Variants in GNA14 observed in about 807,000 individuals in gnomAD.
GNA14 encodes G protein subunit alpha 14.
In GNA14, 50 loss-of-function variants were observed where a neutral mutation model predicts 42.0. The observed-to-expected ratio is 1.19, with a 90% CI of 0.95 to 1.51. GNA14 has a LOEUF of 1.51. Ranked by LOEUF, GNA14 falls within the 40% of genes most tolerant of loss-of-function variation. The pLI is 0.00. For missense variants in GNA14, 473 were observed against 446.2 expected (o/e 1.06, Z -0.54); for synonymous variants, 173 against 163.1 (o/e 1.06, Z -0.46).
intron 2 of GNA14, among the ~76,000 whole-genome samples, chr9:77,481,012 T>C (rs1180197947): frequency 6.6e-6 from 1 of 152,120 alleles, no homozygotes; most frequent in African/African-American, 2.4e-5. Context: ...CCTGGATTCA[T>C]TAATTTTTTG....
chr9:77,459,912 C>T (rs1171488900), intron 2 of GNA14, among the ~76,000 whole-genome samples: 3 of 152,104 alleles, frequency 2.0e-5, no homozygotes, highest in Non-Finnish European at 2.9e-5. Context: ...CCACTGTGGC[C>T]GGGCAGAGGA....
At chr9:77,548,937 TTTTTTTTTTC>T (rs1301873040) in intron 1 of GNA14, among the ~76,000 whole-genome samples, 1 of 148,422 alleles carries the variant, frequency 6.7e-6, no homozygotes, top group Non-Finnish European at 1.5e-5. Flanking sequence ...AAGCCTTTCT[TTTTTTTTTTC>T]TTTTTTTTTC....
intron 2 of GNA14, among the ~76,000 whole-genome samples, chr9:77,487,142 G>C (rs539340840): frequency 1.3e-5 from 2 of 152,128 alleles, no homozygotes; most frequent in African/African-American, 2.4e-5. Context: ...AGTAGGCAGA[G>C]AGCATATACA....
chr9:77,453,135 G>C (rs1835944922), intron 2 of GNA14, among the ~76,000 whole-genome samples: 1 of 152,040 alleles, frequency 6.6e-6, no homozygotes, highest in Non-Finnish European at 1.5e-5. Flanking sequence ...GCAAGACCCT[G>C]TTCCTGAAAA....
In GNA14 at chr9:77,514,508, G is replaced by A. The variant is rs144742454; in HGVS notation, c.309+14561C>T. 9.0e-3 allele frequency among the ~76,000 whole-genome samples: 1,370 copies of A among 152,138 alleles called. 23 individuals carry two copies. The highest frequency in any genetic ancestry group is 0.031 in the African/African-American group (1,304 of 41,498). On this transcript the variant is annotated intron_variant, in intron 2 of 6. Transcript: ENST00000341700. The stretch of plus-strand genomic sequence containing the variant: ...TAAATTAAGAATTATAATGTAATAC[G>A]AAGGATACTGGGCATTACAGGTACA...
chr9:77,644,080 A>T (rs1327017248), intron 1 of GNA14, among the ~76,000 whole-genome samples: 1 of 152,164 alleles, frequency 6.6e-6, no homozygotes, highest in Non-Finnish European at 1.5e-5. Context: ...AGTACCTCAG[A>T]ATGTAACTGT....
In GNA14 at chr9:77,631,852, G is replaced by A. The variant is rs560489062; in HGVS notation, c.124+15818C>T. On this transcript the variant is annotated intron_variant, in intron 1 of 6. Coordinates refer to ENST00000341700, the MANE Select transcript of GNA14 (RefSeq NM_004297.4). Reference sequence around the variant, plus strand: ...ATCATGCCGGCTGCAGCAGGAAAGCGTGGCTGGGGCTGCATGTTCCATGGA... The same window carrying A: ...ATCATGCCGGCTGCAGCAGGAAAGCATGGCTGGGGCTGCATGTTCCATGGA... Among the ~76,000 whole-genome samples, 522 of 152,296 alleles carry A rather than the reference G, an allele frequency of 3.4e-3. 7 individuals are homozygous for A. Among genetic ancestry groups the A allele is most frequent in the African/African-American group, 0.012 (508 of 41,556 alleles).
intron 2 of GNA14, among the ~76,000 whole-genome samples, chr9:77,490,882 C>G (rs529876146): frequency 6.6e-6 from 1 of 152,354 alleles, no homozygotes; most frequent in African/African-American, 2.4e-5. Flanking sequence ...AGTGGTAGCC[C>G]AGGCAGAGGA....
At chr9:77,498,139 CA>C (rs1238091591) in intron 2 of GNA14, among the ~76,000 whole-genome samples, 11 of 152,034 alleles carry the variant, frequency 7.2e-5, no homozygotes, top group African/African-American at 2.4e-4. Context: ...TTTGGGAAGC[CA>C]AGGTGGGTGG....
chr9:77,529,711 G>C, intron 1 of GNA14, among the ~76,000 whole-genome samples: 1 of 152,122 alleles, frequency 6.6e-6, no homozygotes, highest in East Asian at 1.9e-4. Flanking sequence ...ATTTCCCAGA[G>C]GTGCCAAATG....
intron 2 of GNA14, among the ~76,000 whole-genome samples, chr9:77,455,135 G>A (rs539800880): frequency 6.6e-6 from 1 of 152,264 alleles, no homozygotes; most frequent in Admixed American, 6.5e-5. Flanking sequence ...AGCTCATTCA[G>A]GCTGATGGCA....
At chr9:77,431,024 T>TTGTGTGTG (rs10631280) in intron 4 of GNA14, among the ~76,000 whole-genome samples, 2,612 of 101,460 alleles carry the variant, frequency 0.026, 60 homozygotes, top group East Asian at 0.15. Context: ...AAGTATACAT[T>TTGTGTGTG]TGTGTGTGTG....
At chr9:77,486,666 T>C (rs1376961968) in intron 2 of GNA14, among the ~76,000 whole-genome samples, 2 of 152,162 alleles carry the variant, frequency 1.3e-5, no homozygotes, top group Non-Finnish European at 2.9e-5. Context: ...CATTGTAGGA[T>C]TATTAATTGG....
At chr9:77,518,965 G>C (rs1837306338) in intron 2 of GNA14, among the ~76,000 whole-genome samples, 1 of 152,144 alleles carries the variant, frequency 6.6e-6, no homozygotes, top group South Asian at 2.1e-4. Flanking sequence ...CAGGGTTTTG[G>C]TGTCAGAAAT....
intron 1 of GNA14, among the ~76,000 whole-genome samples, chr9:77,536,533 T>C (rs1186832739): frequency 6.6e-6 from 1 of 152,180 alleles, no homozygotes; most frequent in Non-Finnish European, 1.5e-5. Context: ...GTATTTTTAG[T>C]AGAGACGGGG....
At chr9:77,476,798 G>C (rs149813892) in intron 2 of GNA14, among the ~76,000 whole-genome samples, 153 of 152,318 alleles carry the variant, frequency 1.0e-3, no homozygotes, top group African/African-American at 3.4e-3. Flanking sequence ...CTGAAACCTT[G>C]TATCTCTTGG....
intron 1 of GNA14, among the ~76,000 whole-genome samples, chr9:77,597,195 TACAGCTATTGGCAGC>T (rs1823479957): frequency 6.6e-6 from 1 of 152,216 alleles, no homozygotes; most frequent in South Asian, 2.1e-4. Context: ...TGAACAATGT[TACAGCTATTGGCAGC>T]ACTCCCAACA....
chr9:77,504,903 T>C (rs902324593), intron 2 of GNA14, among the ~76,000 whole-genome samples: 13 of 152,020 alleles, frequency 8.6e-5, no homozygotes, highest in East Asian at 1.9e-4. Flanking sequence ...CCTGACCTCA[T>C]GATCCACCCG....
Position 77,647,937 on chromosome 9 carries a change from G to A in GNA14, c.-144C>T, listed in dbSNP as rs143500751. ...GCCGACTTGAGCTTTGGAGTAAGAC[G>A]CCTGGACCTCCGAGGCTCAATCCCC... On this transcript the variant is annotated 5_prime_UTR_variant, in exon 1 of 7. Coordinates refer to ENST00000341700, the MANE Select transcript of GNA14 (RefSeq NM_004297.4). 130 of 914,724 alleles carry A rather than the reference G, an allele frequency of 1.4e-4. 1 individual carries two copies. In the African/African-American group the frequency reaches 1.7e-3, roughly 12 times the overall value. 56.7% of individuals were successfully genotyped at this position (914,724 alleles called of 1,614,324 possible). A position where few individuals can be genotyped will look rare whatever the true frequency, so the allele number is the denominator to read the frequency against.
Sources: gnomAD v4.1 joint callset for allele counts (sites outside exome capture counted in the v4.1 genomes callset) on GRCh38, gnomAD v4.1.1 for gene constraint, MANE v1.5 for transcripts, NCBI Gene and HGNC (gene_info 2026-07-23, HGNC 2026-07-21) for gene names.